STON2: variants seen among roughly 807,000 people sequenced by gnomAD.
STON2 encodes the protein stonin 2.
Under a neutral mutation model 65.7 loss-of-function variants are expected in STON2, and 29 were observed. The observed-to-expected ratio is 0.44, with a 90% CI of 0.33 to 0.60. The LOEUF is 0.60. STON2 is among the 20% of genes least tolerant of loss of function. The probability of loss-of-function intolerance (pLI) is 0.03; values close to 1 mark genes in which losing one functional copy is unlikely to be tolerated. For synonymous variants in STON2, 404 were observed against 414.2 expected, an observed-to-expected ratio of 0.98 and a Z score of 0.30; for missense variants, 1,054 against 1,118.1, an observed-to-expected ratio of 0.94 and a Z score of 0.82.
intron 2 of STON2, among the ~76,000 whole-genome samples, chr14:81,424,647 G>T (rs1044424745): frequency 6.6e-6 from 1 of 152,112 alleles, no homozygotes; most frequent in Non-Finnish European, 1.5e-5. Context: ...CTTATAGTGG[G>T]AGGACAGGCT....
chr14:81,341,274 C>T (rs939586791), intron 4 of STON2, among the ~76,000 whole-genome samples: 7 of 152,120 alleles, frequency 4.6e-5, no homozygotes, highest in African/African-American at 9.7e-5. Context: ...CAGCAACTCC[C>T]TTCTATTTGA....
In STON2 at chr14:81,278,034, T is replaced by C; in HGVS notation, c.1448A>G (p.Asp483Gly). ...GATCCTCAACATCATTGGCCACCCGTCACGAGGCTGGGACCGTGCTGATCC... is the reference window on the plus strand; with the variant it reads ...GATCCTCAACATCATTGGCCACCCGCCACGAGGCTGGGACCGTGCTGATCC... ...PPGSARSQPR[D>G]GWPMMLRIPE... Residue 483 changes from aspartate (D) to glycine (G), a missense_variant, in exon 6 of 8, where the codon GAC becomes GGC. Coordinates refer to ENST00000614646, the MANE Select transcript of STON2 (RefSeq NM_001394390.1). 1 of 1,614,196 alleles carries C rather than the reference T, an allele frequency of 6.2e-7. No homozygotes were observed. Among genetic ancestry groups the C allele is most frequent in the Non-Finnish European group, 8.5e-7 (1 of 1,180,040 alleles).
At chr14:81,330,955 G>A (rs981508263) in intron 4 of STON2, among the ~76,000 whole-genome samples, 5 of 152,226 alleles carry the variant, frequency 3.3e-5, no homozygotes, top group Admixed American at 3.3e-4. Flanking sequence ...TAAGAGCTGT[G>A]CTCACATTTG....
chr14:81,276,982 C>T lies in STON2; in HGVS notation c.2500G>A (p.Val834Ile), dbSNP rs1474317849. Residue 834 changes from valine (V) to isoleucine (I), a missense_variant, in exon 6 of 8, where the codon GTA becomes ATA. By Grantham distance (29) the Val-to-Ile change is conservative. Transcript: ENST00000614646. ...SVSGSEPVMR[V>I]TLGTAKYEHA... ...TCGTACTTGGCAGTTCCCAGAGTTA[C>T]TCTCATGACAGGCTCAGAGCCAGAA... The T allele has an allele frequency of 6.2e-7, 1 of 1,614,112 alleles. No homozygotes were observed. Among genetic ancestry groups the T allele is most frequent in the African/African-American group, 1.3e-5 (1 of 74,942 alleles).
chr14:81,313,784 G>T (rs143746293), intron 5 of STON2, among the ~76,000 whole-genome samples: 1,807 of 137,232 alleles, frequency 0.013, 31 homozygotes, highest in African/African-American at 0.048. Flanking sequence ...GACAAAGAGA[G>T]ACTCCGTCTC....
At chr14:81,434,971 C>A (rs780194306) in intron 1 of STON2, among the ~76,000 whole-genome samples, 8 of 151,976 alleles carry the variant, frequency 5.3e-5, no homozygotes, top group Non-Finnish European at 7.4e-5. Context: ...CTCTCTTTCT[C>A]CCTCCCTCTC....
At chr14:81,317,729 A>G (rs1896677453) in intron 5 of STON2, among the ~76,000 whole-genome samples, 1 of 152,164 alleles carries the variant, frequency 6.6e-6, no homozygotes, top group African/African-American at 2.4e-5. Context: ...CCTGAGAAAA[A>G]CGGGATGACA....
rs1894310975 is a variant in STON2 at position 81,265,222 on chromosome 14, A to G, written c.*3192T>C. The G allele has an allele frequency of 3.0e-6, 3 of 984,048 alleles. No homozygotes were observed. The highest frequency in any genetic ancestry group is 3.6e-6 in the Non-Finnish European group (3 of 828,768). 61.0% of individuals were successfully genotyped at this position (984,048 alleles called of 1,614,324 possible). On this transcript the variant is annotated 3_prime_UTR_variant, in exon 8 of 8. Transcript: ENST00000614646. ...TTTTCTTTAGAAGTTATTTAAACCT[A>G]GTAAAACACTCATTACGTCTAAAAA...
intron 5 of STON2, among the ~76,000 whole-genome samples, chr14:81,310,760 C>T (rs1896393046): frequency 1.3e-5 from 2 of 152,180 alleles, no homozygotes; most frequent in Non-Finnish European, 2.9e-5. Flanking sequence ...CTCCTGTTTC[C>T]TCTCCCCATG....
chr14:81,315,924 C>CAA (rs1896601609), intron 5 of STON2, among the ~76,000 whole-genome samples: 1 of 152,182 alleles, frequency 6.6e-6, no homozygotes, highest in Non-Finnish European at 1.5e-5. Flanking sequence ...AGAAAGGTAA[C>CAA]AACCTATCCA....
At chr14:81,362,338 TG>T (rs1213042899) in intron 4 of STON2, among the ~76,000 whole-genome samples, 1 of 152,140 alleles carries the variant, frequency 6.6e-6, no homozygotes, top group African/African-American at 2.4e-5. Context: ...TGCAACAACA[TG>T]GATGGACTTG....
intron 2 of STON2, among the ~76,000 whole-genome samples, chr14:81,421,069 A>T (rs1901681720): frequency 6.6e-6 from 1 of 152,178 alleles, no homozygotes; most frequent in Admixed American, 6.5e-5. Context: ...ATTCAGCATT[A>T]ATGTTAGAAA....
intron 4 of STON2, among the ~76,000 whole-genome samples, chr14:81,330,100 G>A (rs970520778): frequency 1.3e-5 from 2 of 151,830 alleles, no homozygotes; most frequent in Non-Finnish European, 2.9e-5. Context: ...GAGGCTCCAT[G>A]GCCTAATAAA....
At chr14:81,421,806 G>A (rs565064962) in intron 2 of STON2, among the ~76,000 whole-genome samples, 2 of 152,328 alleles carry the variant, frequency 1.3e-5, no homozygotes, top group Admixed American at 1.3e-4. Context: ...ACCACATTGA[G>A]ATGTTGTCTT....
At chr14:81,316,242 A>G (rs1281523433) in intron 5 of STON2, among the ~76,000 whole-genome samples, 1 of 152,204 alleles carries the variant, frequency 6.6e-6, no homozygotes, top group Admixed American at 6.5e-5. Context: ...AAAGCAGCAC[A>G]GTCACAAAGA....
chr14:81,280,878 G>T (rs2140130423), intron 5 of STON2, among the ~76,000 whole-genome samples: 1 of 152,170 alleles, frequency 6.6e-6, no homozygotes, highest in Non-Finnish European at 1.5e-5. Flanking sequence ...GGGCGTGGTG[G>T]CACAAGCCTG....
At chr14:81,432,781 C>T (rs1902271224) in intron 1 of STON2, among the ~76,000 whole-genome samples, 1 of 152,254 alleles carries the variant, frequency 6.6e-6, no homozygotes, top group Non-Finnish European at 1.5e-5. Context: ...CCTAGAGACT[C>T]AGCTACTCTT....
chr14:81,395,008 G>A (rs1900246920), intron 3 of STON2: 1 of 152,174 alleles, frequency 6.6e-6, no homozygotes, highest in South Asian at 2.1e-4. Context: ...GCACAATAAA[G>A]AAGTAGCCAG....
intron 3 of STON2, among the ~76,000 whole-genome samples, chr14:81,382,443 A>C (rs774629530): frequency 3.9e-5 from 6 of 152,180 alleles, no homozygotes; most frequent in Non-Finnish European, 8.8e-5. Context: ...TATAAAGTTC[A>C]AAACCAGGCT....
Sources: gnomAD v4.1 joint callset for allele counts (sites outside exome capture counted in the v4.1 genomes callset) on GRCh38, gnomAD v4.1.1 for gene constraint, MANE v1.5 for transcripts, NCBI Gene and HGNC (gene_info 2026-07-23, HGNC 2026-07-21) for gene names.